The following NUP93 variants were observed in gnomAD, a reference collection of about 807,000 sequenced individuals.
NUP93 encodes the protein nucleoporin 93, also known as nuclear pore complex protein Nup93.
In NUP93, 55 loss-of-function variants were observed where a neutral mutation model predicts 107.8. That is an observed-to-expected ratio of 0.51 (90% confidence interval 0.41 to 0.64). NUP93 has a LOEUF of 0.64. Among genes scored for constraint, NUP93 ranks in the 30% least tolerant of loss-of-function variants. NUP93 has a pLI of 0.00. For synonymous variants in NUP93, 390 were observed against 397.5 expected (o/e 0.98, Z 0.22); for missense variants, 937 against 1,044.7 (o/e 0.90, Z 1.42).
intron 5 of NUP93, among the ~76,000 whole-genome samples, chr16:56,813,371 G>A (rs1963355987): frequency 6.6e-6 from 1 of 152,174 alleles, no homozygotes; most frequent in South Asian, 2.1e-4. Context: ...ATGAAATATA[G>A]TAGAATATGA....
At chr16:56,794,093 GATA>G (rs1596807771) in intron 3 of NUP93, among the ~76,000 whole-genome samples, 25 of 87,024 alleles carry the variant, frequency 2.9e-4, no homozygotes, top group East Asian at 1.3e-3. Context: ...TAGGTAGGTA[GATA>G]GATAGATAGA....
chr16:56,778,344 TCAGA>T (rs1567384817), intron 3 of NUP93, among the ~76,000 whole-genome samples: 1 of 152,060 alleles, frequency 6.6e-6, no homozygotes, highest in Non-Finnish European at 1.5e-5. Context: ...GGAAGGGCAG[TCAGA>T]CATGGAAGGA....
chr16:56,774,285 A>G (rs1163184403), intron 3 of NUP93, among the ~76,000 whole-genome samples: 1 of 152,196 alleles, frequency 6.6e-6, no homozygotes, highest in Non-Finnish European at 1.5e-5. Context: ...GATTAAATAC[A>G]CCGTCTGCTA....
At chr16:56,827,350 G>A (rs936717930) in intron 8 of NUP93, among the ~76,000 whole-genome samples, 2 of 152,064 alleles carry the variant, frequency 1.3e-5, no homozygotes, top group Non-Finnish European at 2.9e-5. Flanking sequence ...ATCATTTTGC[G>A]ACCACCAGTG....
rs1229154914 is a variant in NUP93 at position 56,828,964 on chromosome 16, A to G, written c.795-13A>G. 2 of 1,610,840 alleles carry G rather than the reference A, an allele frequency of 1.2e-6. No homozygotes were observed. The highest frequency in any genetic ancestry group is 1.7e-6 in the Non-Finnish European group (2 of 1,179,088). Reference sequence around the variant, plus strand: ...TTCAGTCTTCCCTGTTTTTTCCTTTAAAATTTTTCCAGTTATAAGAATTAC... The same window carrying G: ...TTCAGTCTTCCCTGTTTTTTCCTTTGAAATTTTTCCAGTTATAAGAATTAC... On this transcript the variant is annotated splice_polypyrimidine_tract_variant and intron_variant, in intron 8 of 21. Transcript: ENST00000308159.
At chr16:56,737,500 G>A (rs1455998628) in intron 1 of NUP93, among the ~76,000 whole-genome samples, 3 of 152,116 alleles carry the variant, frequency 2.0e-5, no homozygotes, top group African/African-American at 7.2e-5. Context: ...GAAAAGCTCT[G>A]CTGTGCTTTC....
At chr16:56,765,990 G>A (rs1423416006) in intron 3 of NUP93, among the ~76,000 whole-genome samples, 7 of 152,160 alleles carry the variant, frequency 4.6e-5, no homozygotes, top group Admixed American at 4.6e-4. Flanking sequence ...TGGTAACTTT[G>A]GAATAAAAAT....
At chr16:56,804,844 T>G (rs1359201086) in intron 4 of NUP93, among the ~76,000 whole-genome samples, 1 of 150,026 alleles carries the variant, frequency 6.7e-6, no homozygotes, top group Admixed American at 6.7e-5. Context: ...AGGCGGAGGT[T>G]GCAGTGAGCC....
At chr16:56,736,146 A>C (rs1007279852) in intron 1 of NUP93, among the ~76,000 whole-genome samples, 2 of 152,222 alleles carry the variant, frequency 1.3e-5, no homozygotes, top group Non-Finnish European at 2.9e-5. Context: ...CCTAGCCAAC[A>C]TGGTGAAACA....
At chr16:56,810,331 G>A (rs77309814) in intron 5 of NUP93, among the ~76,000 whole-genome samples, 5,701 of 152,260 alleles carry the variant, frequency 0.037, 147 homozygotes, top group Middle Eastern at 0.095. Context: ...GTGCACAGAC[G>A]TAAGTATGCA....
intron 2 of NUP93, among the ~76,000 whole-genome samples, chr16:56,750,178 T>G (rs907123171): frequency 2.0e-5 from 3 of 152,254 alleles, no homozygotes; most frequent in African/African-American, 7.2e-5. Context: ...TCTTTTTCAT[T>G]TCTTTCTACC....
chr16:56,826,827 C>T lies in NUP93; in HGVS notation c.795-2150C>T, dbSNP rs190013427. ...CTTTGAGAGGCCGAGGCGGGCAGAT[C>T]ACGAGGTCAAGAGATTGAGACCATC... On this transcript the variant is annotated intron_variant, in intron 8 of 21. Coordinates refer to ENST00000308159, the MANE Select transcript of NUP93 (RefSeq NM_014669.5). 1.4e-3 allele frequency among the ~76,000 whole-genome samples: 215 copies of T among 151,700 alleles called. 1 individual carries two copies. Among genetic ancestry groups the T allele is most frequent in the Middle Eastern group, 6.8e-3 (2 of 294 alleles).
chr16:56,787,912 A>G lies in NUP93; in HGVS notation c.298-10564A>G, dbSNP rs934148383. On this transcript the variant is annotated intron_variant, in intron 3 of 21. Coordinates refer to ENST00000308159, the MANE Select transcript of NUP93 (RefSeq NM_014669.5). ...ACTGTGATTAATATTTTTTAGATCT[A>G]TTTATACCTTGGGTGAGGAGAGGGC... Among the ~76,000 whole-genome samples, 18 of 152,062 alleles carry G rather than the reference A, an allele frequency of 1.2e-4. 1 individual carries two copies. Among genetic ancestry groups the G allele is most frequent in the African/African-American group, 3.6e-4 (15 of 41,400 alleles).
chr16:56,837,838 C>A, intron 18 of NUP93, 112 bp downstream of exon 18: 1 of 735,680 alleles, frequency 1.4e-6, no homozygotes. Flanking sequence ...AGACAGCTTT[C>A]CAAAGTGGTT....
At chr16:56,808,560 A>AGT (rs1963226266) in intron 5 of NUP93, among the ~76,000 whole-genome samples, 1 of 125,546 alleles carries the variant, frequency 8.0e-6, no homozygotes, top group Non-Finnish European at 1.6e-5. Context: ...ATATAAAAAT[A>AGT]TATAAATACA....
chr16:56,836,611 T>C lies in NUP93; in HGVS notation c.1793T>C (p.Ile598Thr). The C allele has an allele frequency of 1.9e-6, 3 of 1,607,570 alleles. No individual in the cohort carries two copies. Among genetic ancestry groups the C allele is most frequent in the Non-Finnish European group, 2.6e-6 (3 of 1,174,152 alleles). The change falls in exon 17 of 22, where the codon ATA becomes ACA. Residue 598 changes from isoleucine to threonine, a missense_variant. Physicochemically the swap from Ile to Thr is moderately conservative, Grantham distance 89. Coordinates refer to ENST00000308159, the MANE Select transcript of NUP93 (RefSeq NM_014669.5). ...AATTTGTCTTGTCAGCCTGGAGTCA[T>C]AGATAAGTTTACTAGTGACACAAAG... The part of the protein sequence containing the change: ...ENDGSRKPGV[I>T]DKFTSDTKPI...
At chr16:56,785,814 G>C (rs534211469) in intron 3 of NUP93, among the ~76,000 whole-genome samples, 1 of 151,944 alleles carries the variant, frequency 6.6e-6, no homozygotes, top group Non-Finnish European at 1.5e-5. Flanking sequence ...GATTTAATTA[G>C]CACTTATATG....
At chr16:56,789,956 G>A (rs1442673739) in intron 3 of NUP93, among the ~76,000 whole-genome samples, 1 of 152,098 alleles carries the variant, frequency 6.6e-6, no homozygotes, top group Non-Finnish European at 1.5e-5. Flanking sequence ...AATTAGCTGG[G>A]CATGGTGGCG....
At chr16:56,820,992 A>G (rs936918936) in intron 6 of NUP93, among the ~76,000 whole-genome samples, 1 of 152,166 alleles carries the variant, frequency 6.6e-6, no homozygotes, top group Non-Finnish European at 1.5e-5. Flanking sequence ...CATTTTCCTT[A>G]AGAAAATTTT....
Sources: gnomAD v4.1 joint callset for allele counts (sites outside exome capture counted in the v4.1 genomes callset) on GRCh38, gnomAD v4.1.1 for gene constraint, MANE v1.5 for transcripts, NCBI Gene and HGNC (gene_info 2026-07-23, HGNC 2026-07-21) for gene names.